IMMP2L: variants seen among roughly 807,000 people sequenced by gnomAD.
IMMP2L encodes inner mitochondrial membrane peptidase subunit 2.
Under a neutral mutation model 19.3 loss-of-function variants are expected in IMMP2L, and 18 were observed. That is an observed-to-expected ratio of 0.93 (90% CI 0.64 to 1.38). The LOEUF (loss-of-function observed/expected upper bound fraction) is 1.38, where lower values mean the gene tolerates loss of function less well. IMMP2L is among the 40% of genes most tolerant of loss of function. The pLI, the probability that IMMP2L is intolerant of heterozygous loss-of-function variation, is 0.00. For missense variants in IMMP2L, 233 were observed against 218.2 expected (o/e 1.07, Z -0.43); for synonymous variants, 76 against 73.0 (o/e 1.04, Z -0.21).
chr7:111,369,937 A>G (rs1413778998), intron 3 of IMMP2L, among the ~76,000 whole-genome samples: 1 of 152,004 alleles, frequency 6.6e-6, no homozygotes, highest in Non-Finnish European at 1.5e-5. Context: ...AAATCAACTC[A>G]ATATAATGTG....
At chr7:110,864,253 A>G (rs1807756576) in intron 5 of IMMP2L, among the ~76,000 whole-genome samples, 2 of 152,214 alleles carry the variant, frequency 1.3e-5, no homozygotes, top group South Asian at 4.1e-4. Context: ...TGACATATAA[A>G]TTGAAATAAA....
intron 5 of IMMP2L, among the ~76,000 whole-genome samples, chr7:110,875,167 G>A (rs1808942625): frequency 6.6e-6 from 1 of 152,102 alleles, no homozygotes; most frequent in African/African-American, 2.4e-5. Flanking sequence ...GGGCAAAAAA[G>A]CTATTTAAGT....
chr7:111,272,055 A>C (rs1818525499), intron 3 of IMMP2L, among the ~76,000 whole-genome samples: 1 of 152,176 alleles, frequency 6.6e-6, no homozygotes, highest in Non-Finnish European at 1.5e-5. Flanking sequence ...GTTTTCTGTA[A>C]TGCAGACAGA....
At chr7:110,704,729 T>A (rs1215970509) in intron 5 of IMMP2L, among the ~76,000 whole-genome samples, 1 of 152,214 alleles carries the variant, frequency 6.6e-6, no homozygotes. Context: ...GAGAAGAAAG[T>A]AAGACTATCA....
At chr7:111,542,725 A>C (rs992319701) in intron 1 of IMMP2L, among the ~76,000 whole-genome samples, 12 of 152,194 alleles carry the variant, frequency 7.9e-5, no homozygotes, top group Admixed American at 7.9e-4. Flanking sequence ...TAAAAGGTAA[A>C]TGTTCAAGTC....
intron 3 of IMMP2L, among the ~76,000 whole-genome samples, chr7:111,372,242 C>T (rs1830320164): frequency 6.6e-6 from 1 of 151,498 alleles, no homozygotes; most frequent in African/African-American, 2.4e-5. Context: ...CTCATGTATC[C>T]CATAAATATA....
At chr7:111,485,597 CAA>C (rs71147477) in intron 3 of IMMP2L, among the ~76,000 whole-genome samples, 7 of 50,590 alleles carry the variant, frequency 1.4e-4, no homozygotes, top group East Asian at 6.4e-4. Context: ...GACTCTGTTT[CAA>C]AAAAAAAAAA....
At chr7:111,279,430 C>T (rs1245352905) in intron 3 of IMMP2L, among the ~76,000 whole-genome samples, 1 of 151,950 alleles carries the variant, frequency 6.6e-6, no homozygotes, top group Admixed American at 6.6e-5. Context: ...AAGACAAGTC[C>T]GTTGAAGAGA....
At chr7:111,519,801 T>A (rs940246331) in intron 2 of IMMP2L, among the ~76,000 whole-genome samples, 4 of 152,028 alleles carry the variant, frequency 2.6e-5, no homozygotes, top group African/African-American at 9.7e-5. Flanking sequence ...AGTAAGGAGA[T>A]TTTGTGTTCT....
chr7:110,688,292 G>A lies in IMMP2L; in HGVS notation c.409-24571C>T, dbSNP rs115768577. 5.7e-3 allele frequency among the ~76,000 whole-genome samples: 866 copies of A among 152,078 alleles called. 3 individuals are homozygous for A. The highest frequency in any genetic ancestry group is 0.011 in the African/African-American group (463 of 41,500). On this transcript the variant is annotated intron_variant, in intron 5 of 5. Transcript: ENST00000405709. ...GTAGCTTGTTACTTAGAAATAGCTC[G>A]TGGAAACACTACTCATCACCAATTT...
intron 5 of IMMP2L, among the ~76,000 whole-genome samples, chr7:110,671,193 T>C (rs990276561): frequency 1.1e-4 from 16 of 152,222 alleles, no homozygotes; most frequent in African/African-American, 3.6e-4. Flanking sequence ...AGCCCACAGA[T>C]TGGAAATTCA....
At position 111,140,556 on chromosome 7, in the gene IMMP2L, T is replaced by A. The variant is rs139412423; in HGVS notation, c.240-176991A>T. Among the ~76,000 whole-genome samples the A allele has an allele frequency of 7.2e-4, 109 of 152,290 alleles. 1 individual carries two copies. In the East Asian group the frequency reaches 0.016, roughly 23 times the overall value. Reference sequence around the variant, plus strand: ...ACTGTTGAATAAACTTTGTAAAAACTGAGAACGTAAGACATGAGAAAGCTA... The same window carrying A: ...ACTGTTGAATAAACTTTGTAAAAACAGAGAACGTAAGACATGAGAAAGCTA... On this transcript the variant is annotated intron_variant, in intron 3 of 5. Transcript: ENST00000405709.
At chr7:111,309,428 A>G (rs528620616) in intron 3 of IMMP2L, among the ~76,000 whole-genome samples, 41 of 152,200 alleles carry the variant, frequency 2.7e-4, no homozygotes, top group Admixed American at 3.9e-4. Flanking sequence ...GTGTGTGCTC[A>G]AAATAATTTT....
At chr7:111,540,354 G>A (rs1848404040) in intron 1 of IMMP2L, among the ~76,000 whole-genome samples, 1 of 152,156 alleles carries the variant, frequency 6.6e-6, no homozygotes, top group South Asian at 2.1e-4. Context: ...CTGCCAACCT[G>A]TGCACAACAT....
chr7:111,359,690 T>C (rs1036918952), intron 3 of IMMP2L, among the ~76,000 whole-genome samples: 4 of 152,146 alleles, frequency 2.6e-5, no homozygotes, highest in East Asian at 1.9e-4. Flanking sequence ...AACATGCTCA[T>C]TGGTTGTTAA....
intron 3 of IMMP2L, chr7:111,125,562 AC>A (rs1801205286): frequency 6.2e-6 from 1 of 160,860 alleles, no homozygotes; most frequent in Non-Finnish European, 1.5e-5. Flanking sequence ...TGATGGGACT[AC>A]CTACATTTTT....
At chr7:110,787,273 T>A (rs1800148099) in intron 5 of IMMP2L, among the ~76,000 whole-genome samples, 2 of 152,068 alleles carry the variant, frequency 1.3e-5, no homozygotes, top group South Asian at 4.2e-4. Flanking sequence ...TCCTAATAGG[T>A]AAGATGAGTT....
chr7:110,732,380 T>G (rs1468384113), intron 5 of IMMP2L, among the ~76,000 whole-genome samples: 1 of 152,180 alleles, frequency 6.6e-6, no homozygotes, highest in African/African-American at 2.4e-5. Context: ...TACAAAGACC[T>G]AAAACAAGTC....
rs1426680942 is a variant in IMMP2L, at chr7:110,892,028, T to A, written c.306-5333A>T. ...GGCCTCAGAAATTGATATCCCAAAATACGGCACTTTGATGTGCTAAACTGA... is the reference window on the plus strand; with the variant it reads ...GGCCTCAGAAATTGATATCCCAAAAAACGGCACTTTGATGTGCTAAACTGA... On this transcript the variant is annotated intron_variant, in intron 4 of 5. Coordinates refer to ENST00000405709, the MANE Select transcript of IMMP2L (RefSeq NM_032549.4). 2.0e-5 allele frequency among the ~76,000 whole-genome samples: 3 copies of A among 152,144 alleles called. No homozygotes were observed. The East Asian group carries it at 5.8e-4, about 29-fold the overall frequency.
Sources: gnomAD v4.1 joint callset for allele counts (sites outside exome capture counted in the v4.1 genomes callset) on GRCh38, gnomAD v4.1.1 for gene constraint, MANE v1.5 for transcripts, NCBI Gene and HGNC (gene_info 2026-07-23, HGNC 2026-07-21) for gene names.